The following GLI3 variants were observed in gnomAD, a reference collection of about 807,000 sequenced individuals.
GLI3 encodes the protein GLI family zinc finger 3, also known as transcription activator GLI3.
GLI3 carries 20 observed loss-of-function variants against 100.8 expected under a neutral mutation model. That is an observed-to-expected ratio of 0.20 (90% CI 0.14 to 0.29). The LOEUF (loss-of-function observed/expected upper bound fraction) is 0.29, where lower values mean the gene tolerates loss of function less well. Among genes scored for constraint, GLI3 ranks in the 10% least tolerant of loss-of-function variants. GLI3 has a pLI of 1.00. For missense variants in GLI3, 2,040 were observed against 2,128.5 expected (o/e 0.96, Z 0.82); for synonymous variants, 938 against 860.5 (o/e 1.09, Z -1.58).
intron 2 of GLI3, among the ~76,000 whole-genome samples, chr7:42,195,164 C>T (rs912164281): frequency 4.6e-5 from 7 of 152,276 alleles, no homozygotes; most frequent in African/African-American, 1.4e-4. Context: ...CTAATGGTCT[C>T]CTGTCTTCTG....
chr7:42,122,684 A>T (rs1385273579), intron 3 of GLI3, among the ~76,000 whole-genome samples: 2 of 152,224 alleles, frequency 1.3e-5, no homozygotes, highest in Non-Finnish European at 2.9e-5. Flanking sequence ...CCAAGTCACC[A>T]GCACCTATCT....
chr7:42,067,047 AC>A (rs894728266), intron 4 of GLI3, among the ~76,000 whole-genome samples: 1 of 152,224 alleles, frequency 6.6e-6, no homozygotes, highest in Admixed American at 6.5e-5. Flanking sequence ...ATATAAAAAA[AC>A]ATAAAATACT....
intron 2 of GLI3, among the ~76,000 whole-genome samples, chr7:42,199,998 G>A (rs767612664): frequency 3.3e-5 from 5 of 152,180 alleles, no homozygotes; most frequent in Non-Finnish European, 7.3e-5. Flanking sequence ...GGAGGTTGCA[G>A]TGAACTGAGA....
chr7:42,148,317 C>A lies in GLI3; in HGVS notation c.276G>T (p.Gly92=). The change falls in exon 3 of 15, where the codon GGG becomes GGT. Residue 92 remains glycine (G), a synonymous_variant. Coordinates refer to ENST00000395925, the MANE Select transcript of GLI3 (RefSeq NM_000168.6). ...RASLIKKEIH[G]SLPHVAEPSV... ...AGGGCTCCGCCACGTGTGGCAGGGA[C>A]CCATGGATCTCTTTCTTGATCAATG... 4 of 1,613,588 alleles carry A rather than the reference C, an allele frequency of 2.5e-6. No homozygotes were observed. The highest frequency in any genetic ancestry group is 1.7e-5 in the Admixed American group (1 of 59,956).
chr7:42,163,947 ACTTGT>A (rs2128672423), intron 2 of GLI3, among the ~76,000 whole-genome samples: 1 of 152,320 alleles, frequency 6.6e-6, no homozygotes, highest in African/African-American at 2.4e-5. Context: ...TCTTTTGCTT[ACTTGT>A]CTTTATCAAT....
At chr7:42,177,752 G>A (rs980167067) in intron 2 of GLI3, among the ~76,000 whole-genome samples, 3 of 152,216 alleles carry the variant, frequency 2.0e-5, no homozygotes, top group Admixed American at 6.5e-5. Flanking sequence ...GTTTAATAGA[G>A]CGAAGCTGAT....
At position 42,228,077 on chromosome 7, in the gene GLI3, C is replaced by G. The variant is rs879825392; in HGVS notation, c.-42-4782G>C. ...GCGTCCCCTGCCCGAGGTCCCAGGC[C>G]GCGGCGGCGGCGCGGTGGGTTCATT... is the stretch of plus-strand genomic sequence containing the variant. On this transcript the variant is annotated intron_variant, in intron 1 of 14. Transcript: ENST00000395925. Among the ~76,000 whole-genome samples the G allele has an allele frequency of 2.6e-5, 4 of 152,270 alleles. No homozygotes were observed. The East Asian group carries it at 7.8e-4, about 30-fold the overall frequency.
chr7:42,042,204 G>A (rs1019137161), intron 6 of GLI3, among the ~76,000 whole-genome samples: 5 of 151,798 alleles, frequency 3.3e-5, no homozygotes, highest in Non-Finnish European at 5.9e-5. Context: ...TAGCAGAGAC[G>A]GGGGTTTCAC....
In GLI3 at chr7:41,966,023, G is replaced by A. The variant is rs1164784475; in HGVS notation, c.3050C>T (p.Ala1017Val). Residue 1017 changes from alanine to valine, a missense_variant, in exon 15 of 15, where the codon GCC becomes GTC. By Grantham distance (64) the Ala-to-Val change is moderately conservative (BLOSUM62 0). Coordinates refer to ENST00000395925, the MANE Select transcript of GLI3 (RefSeq NM_000168.6). This position sits in a 1 kb window ranked among gnomAD's most constrained non-coding sequence, Gnocchi z 5.8. Reference sequence around the variant, plus strand: ...GCTGAAGCGCGGCACACGAGGCAGGGCCAGGCCCTCGGAGCCTGTCCGCAC... The same window carrying A: ...GCTGAAGCGCGGCACACGAGGCAGGACCAGGCCCTCGGAGCCTGTCCGCAC... ...DPVRTGSEGL[A>V]LPRVPRFSSL... 6.3e-7 allele frequency: 1 copy of A among 1,595,848 alleles called. No individual in the cohort carries two copies. Among genetic ancestry groups the A allele is most frequent in the Non-Finnish European group, 8.5e-7 (1 of 1,177,244 alleles).
chr7:42,126,663 G>C (rs982289725), intron 3 of GLI3, among the ~76,000 whole-genome samples: 2 of 152,326 alleles, frequency 1.3e-5, no homozygotes, highest in Non-Finnish European at 2.9e-5. Flanking sequence ...TCAGCCATAT[G>C]ATATATCCTG....
At chr7:42,124,712 G>A (rs1460956913) in intron 3 of GLI3, among the ~76,000 whole-genome samples, 1 of 152,156 alleles carries the variant, frequency 6.6e-6, no homozygotes, top group African/African-American at 2.4e-5. Context: ...GAAATGCTTT[G>A]TTCAACTAAA....
At chr7:42,099,918 T>C (rs961624320) in intron 3 of GLI3, among the ~76,000 whole-genome samples, 1 of 152,260 alleles carries the variant, frequency 6.6e-6, no homozygotes, top group Non-Finnish European at 1.5e-5. Context: ...TGCCAAAGTA[T>C]TTTCTCTCCA....
chr7:42,078,174 T>A (rs934269233), intron 3 of GLI3, among the ~76,000 whole-genome samples: 2 of 152,220 alleles, frequency 1.3e-5, no homozygotes, highest in Non-Finnish European at 2.9e-5. Context: ...AACACCGCCA[T>A]CCCAACTGGG....
chr7:42,220,337 T>TAGAGAAAA (rs1788461894), intron 2 of GLI3, among the ~76,000 whole-genome samples: 1 of 152,024 alleles, frequency 6.6e-6, no homozygotes, highest in Non-Finnish European at 1.5e-5. Flanking sequence ...GAAATATTCA[T>TAGAGAAAA]AGAGAAAAAG....
chr7:42,079,340 G>A (rs1431808544), intron 3 of GLI3, among the ~76,000 whole-genome samples: 1 of 152,034 alleles, frequency 6.6e-6, no homozygotes, highest in Non-Finnish European at 1.5e-5. Flanking sequence ...AATTAAGTGG[G>A]GTCATCTTTT....
At chr7:42,115,133 CTT>C (rs56200386) in intron 3 of GLI3, among the ~76,000 whole-genome samples, 41 of 99,628 alleles carry the variant, frequency 4.1e-4, no homozygotes, top group East Asian at 1.5e-3. Context: ...AATTTTCCTA[CTT>C]TTTTTTTTTT....
intron 3 of GLI3, among the ~76,000 whole-genome samples, chr7:42,085,022 G>A (rs550033553): frequency 4.1e-5 from 6 of 146,100 alleles, no homozygotes; most frequent in African/African-American, 1.0e-4. Context: ...AGCGATTCTC[G>A]TGCCTCAGCC....
chr7:42,048,443 G>A, intron 5 of GLI3, 48 bp downstream of exon 5: 1 of 1,218,840 alleles, frequency 8.2e-7, no homozygotes. Flanking sequence ...GTGAGGAGCG[G>A]GGAGGAGGCT....
chr7:42,143,904 G>A (rs73327511), intron 3 of GLI3, among the ~76,000 whole-genome samples: 4,004 of 152,218 alleles, frequency 0.026, 133 homozygotes, highest in African/African-American at 0.079. Flanking sequence ...TTAAAAAGCA[G>A]GCATCTTTCT....
Sources: allele counts gnomAD v4.1 joint callset (sites outside exome capture counted in the v4.1 genomes callset), GRCh38; gene constraint gnomAD v4.1.1; non-coding constraint Gnocchi (gnomAD v3.1); transcripts MANE v1.5; gene names NCBI Gene and HGNC (gene_info 2026-07-23, HGNC 2026-07-21).